Variants in PCSK5 observed in about 807,000 individuals in gnomAD.
PCSK5 encodes the protein prohormone convertase 5.
PCSK5 carries 129 observed loss-of-function variants against 233.2 expected under a neutral mutation model. The observed-to-expected ratio is 0.55, with a 90% confidence interval of 0.48 to 0.64. The LOEUF (loss-of-function observed/expected upper bound fraction) is 0.64, where lower values mean the gene tolerates loss of function less well. Among genes scored for constraint, PCSK5 ranks in the 30% least tolerant of loss-of-function variants. The pLI is 0.00. For missense variants in PCSK5, 2,076 were observed against 2,430.1 expected, an observed-to-expected ratio of 0.85 and a Z score of 3.06; for synonymous variants, 825 against 879.2, an observed-to-expected ratio of 0.94 and a Z score of 1.09.
At chr9:76,107,735 G>A (rs1832037703) in intron 9 of PCSK5, among the ~76,000 whole-genome samples, 1 of 152,172 alleles carries the variant, frequency 6.6e-6, no homozygotes, top group African/African-American at 2.4e-5. Context: ...AGGCAGCTCC[G>A]ATTCCACGAC....
At chr9:76,134,706 A>G (rs937456865) in intron 10 of PCSK5, among the ~76,000 whole-genome samples, 2 of 152,038 alleles carry the variant, frequency 1.3e-5, no homozygotes, top group Non-Finnish European at 2.9e-5. Context: ...ATTCTAAGAA[A>G]TGTTACTTTA....
intron 10 of PCSK5, among the ~76,000 whole-genome samples, chr9:76,134,430 A>G (rs1335180119): frequency 6.6e-6 from 1 of 151,930 alleles, no homozygotes; most frequent in Non-Finnish European, 1.5e-5. Flanking sequence ...TCATAGGTCA[A>G]TTTTTTTAAA....
At chr9:75,925,132 A>G (rs1164050818) in intron 1 of PCSK5, among the ~76,000 whole-genome samples, 3 of 152,324 alleles carry the variant, frequency 2.0e-5, no homozygotes, top group South Asian at 2.1e-4. Flanking sequence ...TGAAGAAATC[A>G]TTAACTGTGA....
intron 3 of PCSK5, among the ~76,000 whole-genome samples, chr9:75,991,212 A>G (rs1826755279): frequency 6.6e-6 from 1 of 152,188 alleles, no homozygotes; most frequent in South Asian, 2.1e-4. Flanking sequence ...GTAATTCTAC[A>G]TCATGCTTCA....
rs528282622 is a variant in PCSK5, at chr9:76,343,777, GTGTCTTCA to G, written c.4966+5332_4966+5339del. 6.8e-4 allele frequency among the ~76,000 whole-genome samples: 104 copies of G among 152,104 alleles called. No homozygotes were observed. The East Asian group carries it at 0.019, about 28-fold the overall frequency. ...TCATTCTATGTTCCCTTAGTACTCT[GTGTCTTCA>G]TTCATCCATTTACTTAAGGCACAAT... On this transcript the variant is annotated intron_variant, in intron 35 of 37. Transcript: ENST00000674117.
At position 76,023,833 on chromosome 9, in the gene PCSK5, C is replaced by G; in HGVS notation, c.507C>G (p.Ile169Met). Residue 169 changes from isoleucine to methionine, a missense_variant, in exon 4 of 38, where the codon ATC (isoleucine) becomes ATG (methionine). By Grantham distance (10) the Ile-to-Met change is conservative. This residue lies in a region of PCSK5 where 178 missense variants were observed against 393.6 expected (regional missense o/e 0.45). Coordinates refer to ENST00000674117, the MANE Select transcript of PCSK5 (RefSeq NM_001372043.1). Reference sequence around the variant, plus strand: ...CGGGAAAGAACATTGTGGTCACTATCCTGGATGACGGAATTGAGAGAACCC... The same window carrying G: ...CGGGAAAGAACATTGTGGTCACTATGCTGGATGACGGAATTGAGAGAACCC... ...GYTGKNIVVT[I>M]LDDGIERTHP... 6.2e-7 allele frequency: 1 copy of G among 1,613,392 alleles called. No homozygotes were observed. Among genetic ancestry groups the G allele is most frequent in the Non-Finnish European group, 8.5e-7 (1 of 1,179,556 alleles).
At position 76,279,337 on chromosome 9, in the gene PCSK5, A is replaced by G. The variant is rs1827793690; in HGVS notation, c.3143-12896A>G. Among the ~76,000 whole-genome samples the G allele has an allele frequency of 2.0e-5, 3 of 148,860 alleles. 1 individual carries two copies. Among genetic ancestry groups the G allele is most frequent in the African/African-American group, 7.7e-5 (3 of 38,994 alleles). ...TTGTTGGGCATTTGGGTTGGTTCCA[A>G]GTCTTTGCTATTGTGAATAATGCCG... On this transcript the variant is annotated intron_variant, in intron 24 of 37. Coordinates refer to ENST00000674117, the MANE Select transcript of PCSK5 (RefSeq NM_001372043.1).
At chr9:75,974,884 T>C (rs984256569) in intron 2 of PCSK5, among the ~76,000 whole-genome samples, 5 of 152,176 alleles carry the variant, frequency 3.3e-5, no homozygotes, top group African/African-American at 1.2e-4. Context: ...TTCACTCATT[T>C]CCCTAAAGGT....
intron 24 of PCSK5, among the ~76,000 whole-genome samples, chr9:76,285,141 T>A (rs1438627208): frequency 6.6e-6 from 1 of 152,186 alleles, no homozygotes. Context: ...GGCTGGAGCA[T>A]GACTTTGGTC....
chr9:76,036,289 C>T (rs1361938289), intron 5 of PCSK5, among the ~76,000 whole-genome samples: 1 of 152,122 alleles, frequency 6.6e-6, no homozygotes, highest in African/African-American at 2.4e-5. Flanking sequence ...TGCATTTTAA[C>T]TATAATCCTT....
At chr9:76,188,024 A>C (rs1282343229) in intron 17 of PCSK5, among the ~76,000 whole-genome samples, 3 of 152,170 alleles carry the variant, frequency 2.0e-5, no homozygotes, top group Non-Finnish European at 4.4e-5. Context: ...TTTGATGAGA[A>C]CCTATAGAAG....
chr9:76,019,842 G>A (rs1261949592), intron 3 of PCSK5, among the ~76,000 whole-genome samples: 1 of 152,178 alleles, frequency 6.6e-6, no homozygotes, highest in East Asian at 1.9e-4. Context: ...AGAAAGTGGA[G>A]ACCTTGTGAT....
At chr9:76,329,231 G>C (rs1273567546) in intron 33 of PCSK5, among the ~76,000 whole-genome samples, 2 of 151,982 alleles carry the variant, frequency 1.3e-5, no homozygotes, top group Non-Finnish European at 2.9e-5. Context: ...GAACTCCTGG[G>C]CTCAAGAGAT....
intron 24 of PCSK5, among the ~76,000 whole-genome samples, chr9:76,252,605 A>G (rs1826846836): frequency 6.6e-6 from 1 of 152,068 alleles, no homozygotes; most frequent in East Asian, 1.9e-4. Flanking sequence ...CCTCCCCACC[A>G]CTTTACCTTC....
chr9:76,076,907 A>G (rs1255154574), intron 7 of PCSK5, among the ~76,000 whole-genome samples: 1 of 152,168 alleles, frequency 6.6e-6, no homozygotes, highest in African/African-American at 2.4e-5. Flanking sequence ...AATTAATAGT[A>G]ATAATAATAA....
chr9:76,079,968 T>C (rs2131617883), intron 7 of PCSK5, among the ~76,000 whole-genome samples: 1 of 152,370 alleles, frequency 6.6e-6, no homozygotes, highest in Admixed American at 6.5e-5. Flanking sequence ...AAATCACATT[T>C]ATTGATTTGC....
intron 4 of PCSK5, among the ~76,000 whole-genome samples, chr9:76,025,409 GA>G (rs1828379795): frequency 6.6e-6 from 1 of 151,862 alleles, no homozygotes; most frequent in Non-Finnish European, 1.5e-5. Flanking sequence ...AGGAGAGAGA[GA>G]GAGAGAGAGA....
At chr9:76,172,639 G>T (rs1018926827) in intron 13 of PCSK5, among the ~76,000 whole-genome samples, 2 of 152,166 alleles carry the variant, frequency 1.3e-5, no homozygotes, top group African/African-American at 2.4e-5. Context: ...GGTGACTAAT[G>T]ATTAGGATGA....
intron 2 of PCSK5, among the ~76,000 whole-genome samples, chr9:75,952,334 A>C (rs926849448): frequency 8.5e-5 from 13 of 152,202 alleles, no homozygotes; most frequent in African/African-American, 2.4e-4. Context: ...CAGACTGTCA[A>C]CTCATCGCAC....
Sources: allele counts gnomAD v4.1 joint callset (sites outside exome capture counted in the v4.1 genomes callset), GRCh38; gene constraint gnomAD v4.1.1; regional missense constraint gnomAD v4.1.1; transcripts MANE v1.5; gene names NCBI Gene and HGNC (gene_info 2026-07-23, HGNC 2026-07-21).